The following KLF12 variants were observed in gnomAD, a reference collection of about 807,000 sequenced individuals.
KLF12 encodes the protein KLF transcription factor 12.
Under a neutral mutation model 37.8 loss-of-function variants are expected in KLF12, and 9 were observed. The observed-to-expected ratio is 0.24, with a 90% confidence interval of 0.14 to 0.42. The LOEUF is 0.42. Ranked by LOEUF, KLF12 falls within the 10% of genes least tolerant of loss-of-function variation. KLF12 has a pLI of 1.00. For missense variants in KLF12, 411 were observed against 516.0 expected (o/e 0.80, Z 1.97); for synonymous variants, 208 against 202.1 (o/e 1.03, Z -0.25).
At chr13:73,713,503 C>A (rs558010396) in intron 7 of KLF12, among the ~76,000 whole-genome samples, 4 of 152,184 alleles carry the variant, frequency 2.6e-5, no homozygotes, top group African/African-American at 7.2e-5. Context: ...TTGCTCTCTG[C>A]GAAATATGAC....
chr13:73,758,282 C>T (rs1256754053), intron 6 of KLF12, among the ~76,000 whole-genome samples: 1 of 152,006 alleles, frequency 6.6e-6, no homozygotes, highest in Non-Finnish European at 1.5e-5. Context: ...ATTTAAACCC[C>T]TATAAGAAGC....
At chr13:74,268,648 G>A in the KLF12 span, among the ~76,000 whole-genome samples, 1 of 152,150 alleles carries the variant, frequency 6.6e-6, no homozygotes, top group African/African-American at 2.4e-5. Flanking sequence ...TATATGGAAT[G>A]ATTTCTCTCA....
intron 6 of KLF12, among the ~76,000 whole-genome samples, chr13:73,749,390 G>A (rs947689996): frequency 1.3e-5 from 2 of 152,014 alleles, no homozygotes; most frequent in African/African-American, 4.8e-5. Context: ...TGTCTTCAAA[G>A]GTGTGACAAT....
intron 3 of KLF12, among the ~76,000 whole-genome samples, chr13:73,924,124 T>C (rs1464960019): frequency 1.3e-5 from 2 of 152,204 alleles, no homozygotes; most frequent in Non-Finnish European, 2.9e-5. Flanking sequence ...AGGTGTAAAG[T>C]AGGACTCAGG....
At chr13:74,039,361 C>A (rs965545859) in intron 1 of KLF12, among the ~76,000 whole-genome samples, 5 of 151,994 alleles carry the variant, frequency 3.3e-5, no homozygotes, top group Non-Finnish European at 5.9e-5. Context: ...CACAGCAAGA[C>A]CCCATCTCTA....
intron 1 of KLF12, among the ~76,000 whole-genome samples, chr13:74,083,495 C>G (rs1215664763): frequency 1.1e-3 from 29 of 25,402 alleles, no homozygotes; most frequent in African/African-American, 2.8e-3. Flanking sequence ...CGATAGGAGA[C>G]ACACACACAC....
At chr13:74,133,550 CG>C (rs1035716529) in intron 1 of KLF12, among the ~76,000 whole-genome samples, 2 of 152,080 alleles carry the variant, frequency 1.3e-5, no homozygotes, top group Non-Finnish European at 2.9e-5. Context: ...CGCCCTTCCC[CG>C]GCCCCCTCCC....
the KLF12 span, among the ~76,000 whole-genome samples, chr13:74,293,248 C>T: frequency 6.6e-6 from 1 of 152,140 alleles, no homozygotes; most frequent in African/African-American, 2.4e-5. Flanking sequence ...GAAGCTGGGC[C>T]AGAAGAGATT....
chr13:73,847,953 TTTC>T (rs1885117358), intron 3 of KLF12, among the ~76,000 whole-genome samples: 1 of 152,172 alleles, frequency 6.6e-6, no homozygotes, highest in South Asian at 2.1e-4. Flanking sequence ...ATGCAAAATG[TTTC>T]TTATTACTAT....
At chr13:73,732,892 T>C (rs897278183) in intron 6 of KLF12, among the ~76,000 whole-genome samples, 3 of 152,120 alleles carry the variant, frequency 2.0e-5, no homozygotes, top group Non-Finnish European at 4.4e-5. Context: ...TTTCCCAGTT[T>C]TCCCTGTCTC....
intron 6 of KLF12, among the ~76,000 whole-genome samples, chr13:73,759,839 C>G (rs970483121): frequency 1.3e-5 from 2 of 152,100 alleles, no homozygotes; most frequent in African/African-American, 2.4e-5. Flanking sequence ...AAAGACTGTT[C>G]TACATTAGAT....
At chr13:73,849,899 A>G (rs1472337585) in intron 3 of KLF12, among the ~76,000 whole-genome samples, 2 of 152,176 alleles carry the variant, frequency 1.3e-5, no homozygotes, top group East Asian at 3.8e-4. Flanking sequence ...TGAAAGATAG[A>G]AGACTTACTG....
intron 1 of KLF12, among the ~76,000 whole-genome samples, chr13:74,008,411 C>T (rs1269583410): frequency 6.6e-6 from 1 of 152,202 alleles, no homozygotes; most frequent in African/African-American, 2.4e-5. Flanking sequence ...TCCTTTACAT[C>T]AGCAACAGCT....
At chr13:73,979,679 A>G (rs1012988506) in intron 2 of KLF12, among the ~76,000 whole-genome samples, 2 of 152,188 alleles carry the variant, frequency 1.3e-5, no homozygotes, top group African/African-American at 4.8e-5. Flanking sequence ...ATAAAGCACA[A>G]GGGGAGACAT....
chr13:74,175,843 C>T, the KLF12 span, among the ~76,000 whole-genome samples: 1 of 152,178 alleles, frequency 6.6e-6, no homozygotes, highest in African/African-American at 2.4e-5. Flanking sequence ...TCCTTAAAAC[C>T]TTGATGCCAG....
chr13:74,111,678 T>C (rs1593909442), intron 1 of KLF12, among the ~76,000 whole-genome samples: 1 of 151,894 alleles, frequency 6.6e-6, no homozygotes, highest in East Asian at 2.0e-4. Flanking sequence ...TCTTTAAAAA[T>C]TCAATAGAAC....
chr13:73,870,995 G>A lies in KLF12; in HGVS notation c.124-24622C>T, dbSNP rs1886435808. On this transcript the variant is annotated intron_variant, in intron 3 of 7. Coordinates refer to ENST00000377669, the MANE Select transcript of KLF12 (RefSeq NM_007249.5). ...TAAATAAGTACAAAGTATGAGATAT[G>A]ACTGATTAGTTGTTGCCTGTCATCC... 2.6e-5 allele frequency among the ~76,000 whole-genome samples: 4 copies of A among 152,174 alleles called. No individual in the cohort carries two copies. In the South Asian group the frequency reaches 8.3e-4, roughly 32 times the overall value.
chr13:74,248,296 G>A, the KLF12 span, among the ~76,000 whole-genome samples: 1 of 152,188 alleles, frequency 6.6e-6, no homozygotes, highest in Non-Finnish European at 1.5e-5. Flanking sequence ...TTGCTATGAG[G>A]AAACATGCAG....
chr13:74,064,077 C>G (rs1873765074), intron 1 of KLF12, among the ~76,000 whole-genome samples: 1 of 151,810 alleles, frequency 6.6e-6, no homozygotes, highest in Non-Finnish European at 1.5e-5. Flanking sequence ...ATCCCTGTCC[C>G]CAAAAGAGGA....
Sources: gnomAD v4.1 joint callset for allele counts (sites outside exome capture counted in the v4.1 genomes callset) on GRCh38, gnomAD v4.1.1 for gene constraint, MANE v1.5 for transcripts, NCBI Gene and HGNC (gene_info 2026-07-23, HGNC 2026-07-21) for gene names.